WNT3A: variants seen among roughly 807,000 people sequenced by gnomAD.
The protein encoded by WNT3A is protein Wnt-3a.
In WNT3A, 17 loss-of-function variants were observed where a neutral mutation model predicts 37.0. That is an observed-to-expected ratio of 0.46 (90% CI 0.31 to 0.69). WNT3A has a LOEUF of 0.69. Among genes scored for constraint, WNT3A ranks in the 30% least tolerant of loss-of-function variants. The pLI, the probability that WNT3A is intolerant of heterozygous loss-of-function variation, is 0.05. For missense variants in WNT3A, 411 were observed against 510.2 expected (o/e 0.81, Z 1.87); for synonymous variants, 187 against 211.0 (o/e 0.89, Z 0.99).
At chr1:228,046,719 T>A (rs533083656) in intron 2 of WNT3A, among the ~76,000 whole-genome samples, 54 of 150,884 alleles carry the variant, frequency 3.6e-4, no homozygotes, top group African/African-American at 1.3e-3. Flanking sequence ...CATGTGTATA[T>A]GTGTTCATGT....
rs1312001523 is a variant in WNT3A, at chr1:228,050,071, G to T, written c.314-585G>T. ...TGGGATTACAGATGTAAGCCACCTT[G>T]CCAGCTGTATGTTTTTTAAGACAGG... On this transcript the variant is annotated intron_variant, in intron 2 of 3. Coordinates refer to ENST00000284523, the MANE Select transcript of WNT3A (RefSeq NM_033131.4). This position sits in a 1 kb window ranked among gnomAD's most constrained non-coding sequence, Gnocchi z 5.0. Among the ~76,000 whole-genome samples the T allele has an allele frequency of 6.6e-6, 1 of 151,782 alleles. No homozygotes were observed. Among genetic ancestry groups the T allele is most frequent in the African/African-American group, 2.4e-5 (1 of 41,276 alleles).
chr1:228,038,750 G>T lies in WNT3A; in HGVS notation c.314-11906G>T, dbSNP rs1481317710. Among the ~76,000 whole-genome samples the T allele has an allele frequency of 6.6e-6, 1 of 152,156 alleles. No individual in the cohort carries two copies. Among genetic ancestry groups the T allele is most frequent in the African/African-American group, 2.4e-5 (1 of 41,418 alleles). ...GTGCACGGGGGGCTGTGTTCGCTGT[G>T]ACCCTCCATCCCCCAGGATGCCTGA... On this transcript the variant is annotated intron_variant, in intron 2 of 3. Transcript: ENST00000284523. The surrounding 1 kb of genome is among the most constrained non-coding windows in gnomAD (Gnocchi z 5.7).
Position 228,038,262 on chromosome 1 carries a change from G to A in WNT3A, c.314-12394G>A, listed in dbSNP as rs1396386302. 1.3e-5 allele frequency among the ~76,000 whole-genome samples: 2 copies of A among 152,098 alleles called. No individual in the cohort carries two copies. Among genetic ancestry groups the A allele is most frequent in the African/African-American group, 4.8e-5 (2 of 41,442 alleles). On this transcript the variant is annotated intron_variant, in intron 2 of 3. Transcript: ENST00000284523. The surrounding 1 kb of genome is among the most constrained non-coding windows in gnomAD (Gnocchi z 5.7). ...GAAGGTGGGCAGCCCCCGAGGGGAGGCGCCCGGGCGTCGGCTCCGGCGGGC... is the reference window on the plus strand; with the variant it reads ...GAAGGTGGGCAGCCCCCGAGGGGAGACGCCCGGGCGTCGGCTCCGGCGGGC...
Position 228,007,285 on chromosome 1 carries a change from C to A in WNT3A, c.71+86C>A. ...CCCTCGGGCAGGGACCCCGCGGTGG[C>A]CCGAGCCCGCGCCCTTCTGCTCCAG... On this transcript the variant is annotated intron_variant, in intron 1 of 3. Transcript: ENST00000284523. The surrounding 1 kb of genome is among the most constrained non-coding windows in gnomAD (Gnocchi z 6.0). 7.2e-7 allele frequency: 1 copy of A among 1,387,202 alleles called. No individual in the cohort carries two copies. The highest frequency in any genetic ancestry group is 9.8e-7 in the Non-Finnish European group (1 of 1,016,544). The allele number at this position is 1,387,202 out of a possible 1,614,324, so 85.9% of individuals were successfully genotyped here.
chr1:228,048,746 G>A (rs747934775), intron 2 of WNT3A, among the ~76,000 whole-genome samples: 1 of 151,960 alleles, frequency 6.6e-6, no homozygotes, highest in Non-Finnish European at 1.5e-5. Flanking sequence ...TGGAAGCAGG[G>A]CCTGGCCAGG....
In WNT3A at chr1:228,050,747, C is replaced by T; in HGVS notation, c.405C>T (p.Ile135=). Residue 135 remains isoleucine (I), a synonymous_variant, in exon 3 of 4, where the codon ATC becomes ATT. Transcript: ENST00000284523. This position sits in a 1 kb window ranked among gnomAD's most constrained non-coding sequence, Gnocchi z 5.0. ...CATGTGCAGAAGGCACGGCCGCCAT[C>T]TGTGGCTGCAGCAGCCGCCACCAGG... ...TRSCAEGTAA[I]CGCSSRHQGS... 6.2e-7 allele frequency: 1 copy of T among 1,613,996 alleles called. No homozygotes were observed. The highest frequency in any genetic ancestry group is 8.5e-7 in the Non-Finnish European group (1 of 1,180,006).
intron 2 of WNT3A, among the ~76,000 whole-genome samples, chr1:228,033,149 GT>G (rs1222034992): frequency 3.9e-5 from 6 of 152,074 alleles, no homozygotes. Flanking sequence ...GCTTGATGGT[GT>G]CCTTTGATAC....
At chr1:228,010,521 C>T (rs574662450) in intron 1 of WNT3A, among the ~76,000 whole-genome samples, 2 of 152,346 alleles carry the variant, frequency 1.3e-5, no homozygotes, top group African/African-American at 4.8e-5. Context: ...GAGTTGCTGC[C>T]AGGCCTGGCC....
In WNT3A at chr1:228,037,646, AG is replaced by A. The variant is rs915833030; in HGVS notation, c.314-13009del. Reference sequence around the variant, plus strand: ...CGACCCCTGACCCCCCCCATCGGAAAGTGTTGCCGTTTAAGATGCGTTGGGG... The same window carrying A: ...CGACCCCTGACCCCCCCCATCGGAAATGTTGCCGTTTAAGATGCGTTGGGG... On this transcript the variant is annotated intron_variant, in intron 2 of 3. Coordinates refer to ENST00000284523, the MANE Select transcript of WNT3A (RefSeq NM_033131.4). The surrounding 1 kb of genome is among the most constrained non-coding windows in gnomAD (Gnocchi z 4.1). Among the ~76,000 whole-genome samples the A allele has an allele frequency of 1.3e-5, 2 of 152,122 alleles. No individual in the cohort carries two copies. The highest frequency in any genetic ancestry group is 4.8e-5 in the African/African-American group (2 of 41,426).
At chr1:228,026,378 T>G (rs1324388421) in intron 2 of WNT3A, among the ~76,000 whole-genome samples, 1 of 152,214 alleles carries the variant, frequency 6.6e-6, no homozygotes, top group Admixed American at 6.5e-5. Context: ...CTTCCCTCGC[T>G]CCTGATCTTA....
rs1262091182 is a variant in WNT3A at position 228,038,186 on chromosome 1, G to A, written c.314-12470G>A. Among the ~76,000 whole-genome samples the A allele has an allele frequency of 1.3e-5, 2 of 152,066 alleles. No homozygotes were observed. The highest frequency in any genetic ancestry group is 2.9e-5 in the Non-Finnish European group (2 of 67,990). On this transcript the variant is annotated intron_variant, in intron 2 of 3. Transcript: ENST00000284523. This position sits in a 1 kb window ranked among gnomAD's most constrained non-coding sequence, Gnocchi z 5.7. The stretch of plus-strand genomic sequence containing the variant: ...CAGGCCATGATTACCAAATGCCACC[G>A]CGACACCCCCTCCCGGCCGCCTGGC...
Position 228,008,942 on chromosome 1 carries a change from G to A in WNT3A, c.71+1743G>A, listed in dbSNP as rs2030288890. On this transcript the variant is annotated intron_variant, in intron 1 of 3. Transcript: ENST00000284523. The surrounding 1 kb of genome is among the most constrained non-coding windows in gnomAD (Gnocchi z 4.9). The stretch of plus-strand genomic sequence containing the variant: ...CTGAATGGACCCTGAGACACCCTCG[G>A]GGACAGTCAGGCATTCTGCAGGGGA... Among the ~76,000 whole-genome samples the A allele has an allele frequency of 6.6e-6, 1 of 152,104 alleles. No homozygotes were observed. The highest frequency in any genetic ancestry group is 1.5e-5 in the Non-Finnish European group (1 of 68,006).
chr1:228,029,865 T>C (rs1362878562), intron 2 of WNT3A, among the ~76,000 whole-genome samples: 2 of 151,910 alleles, frequency 1.3e-5, no homozygotes, highest in South Asian at 4.2e-4. Context: ...CCACTGAGGC[T>C]GAGGTGGGAG....
chr1:228,012,840 G>A (rs1271725812), intron 1 of WNT3A, among the ~76,000 whole-genome samples: 1 of 152,108 alleles, frequency 6.6e-6, no homozygotes, highest in East Asian at 1.9e-4. Context: ...CTGAGCTGCA[G>A]CTACCGAGGC....
intron 2 of WNT3A, among the ~76,000 whole-genome samples, chr1:228,046,941 G>A (rs1299434065): frequency 6.6e-6 from 1 of 152,164 alleles, no homozygotes; most frequent in African/African-American, 2.4e-5. Context: ...GCATGTGGTG[G>A]AAGGAGGAAG....
In WNT3A at chr1:228,059,566, C is replaced by T. The variant is rs1257513085; in HGVS notation, c.*101C>T. On this transcript the variant is annotated 3_prime_UTR_variant, in exon 4 of 4. Coordinates refer to ENST00000284523, the MANE Select transcript of WNT3A (RefSeq NM_033131.4). The stretch of plus-strand genomic sequence containing the variant: ...CCACCTAAACGGGGCAGTACTCCTC[C>T]CTGGGGGCGGGACTCCTCCCTGGGG... The T allele has an allele frequency of 2.4e-5, 33 of 1,400,402 alleles. No homozygotes were observed. Among genetic ancestry groups the T allele is most frequent in the Non-Finnish European group, 3.0e-5 (32 of 1,084,210 alleles). 86.7% of individuals were successfully genotyped at this position (1,400,402 alleles called of 1,614,324 possible). A position where few individuals can be genotyped will look rare whatever the true frequency, so the allele number is the denominator to read the frequency against.
At chr1:228,025,824 G>T (rs2030839386) in intron 2 of WNT3A, among the ~76,000 whole-genome samples, 1 of 152,260 alleles carries the variant, frequency 6.6e-6, no homozygotes, top group African/African-American at 2.4e-5. Flanking sequence ...AGGCTGGAGT[G>T]CAGTGGCACC....
In WNT3A at chr1:228,059,061, T is replaced by C. The variant is rs756519375; in HGVS notation, c.655T>C (p.Trp219Arg). Residue 219 changes from tryptophan (W) to arginine (R), a missense_variant, in exon 4 of 4, where the codon TGG becomes CGG. Coordinates refer to ENST00000284523, the MANE Select transcript of WNT3A (RefSeq NM_033131.4). Reference protein sequence around the residue: ...SGSCEVKTCWWSQPDFRAIGD... With the variant: ...SGSCEVKTCWRSQPDFRAIGD... ...CAGCTGCGAGGTGAAGACATGCTGGTGGTCGCAACCCGACTTCCGCGCCAT... is the reference window on the plus strand; with the variant it reads ...CAGCTGCGAGGTGAAGACATGCTGGCGGTCGCAACCCGACTTCCGCGCCAT... 4.2e-5 allele frequency: 68 copies of C among 1,613,470 alleles called. No individual in the cohort carries two copies. Among genetic ancestry groups the C allele is most frequent in the Non-Finnish European group, 5.4e-5 (64 of 1,179,974 alleles).
At chr1:228,054,478 A>T (rs1329816331) in intron 3 of WNT3A, among the ~76,000 whole-genome samples, 1 of 151,834 alleles carries the variant, frequency 6.6e-6, no homozygotes, top group Admixed American at 6.6e-5. Context: ...AACAAAAAAA[A>T]TTAGCCAGGC....
Sources: allele counts gnomAD v4.1 joint callset (sites outside exome capture counted in the v4.1 genomes callset), GRCh38; gene constraint gnomAD v4.1.1; non-coding constraint Gnocchi (gnomAD v3.1); transcripts MANE v1.5; gene names NCBI Gene and HGNC (gene_info 2026-07-23, HGNC 2026-07-21).